The following KIF26B variants were observed in gnomAD, a reference collection of about 807,000 sequenced individuals.
The protein encoded by KIF26B is kinesin-like protein KIF26B.
A neutral mutation model predicts 151.2 loss-of-function variants in KIF26B; 63 were observed. The ratio of observed to expected loss-of-function variants is 0.42; its 90% CI spans 0.34 to 0.51. The LOEUF is 0.51. Ranked by LOEUF, KIF26B falls within the 20% of genes least tolerant of loss-of-function variation. KIF26B has a pLI of 0.07. For missense variants in KIF26B, 2,813 were observed against 2,913.6 expected (o/e 0.97, Z 0.79); for synonymous variants, 1,357 against 1,262.1 (o/e 1.08, Z -1.59).
At chr1:245,586,867 T>C in intron 5 of KIF26B, among the ~76,000 whole-genome samples, 1 of 138,418 alleles carries the variant, frequency 7.2e-6, no homozygotes, top group Non-Finnish European at 1.5e-5. Context: ...CAGTCCGGCC[T>C]GGGTGACAGA....
chr1:245,562,044 G>T (rs2282380), intron 5 of KIF26B, among the ~76,000 whole-genome samples: 67 of 152,080 alleles, frequency 4.4e-4, no homozygotes, highest in African/African-American at 1.4e-3. Context: ...AGATGACCTG[G>T]GGGGCATCTT....
intron 3 of KIF26B, among the ~76,000 whole-genome samples, chr1:245,391,092 A>G (rs1208703583): frequency 1.3e-5 from 2 of 152,096 alleles, no homozygotes; most frequent in Non-Finnish European, 2.9e-5. Context: ...TGATTTTTTG[A>G]TACTATATTA....
At chr1:245,625,881 C>T (rs2043719188) in intron 9 of KIF26B, among the ~76,000 whole-genome samples, 1 of 151,922 alleles carries the variant, frequency 6.6e-6, no homozygotes, top group Non-Finnish European at 1.5e-5. Context: ...TAAGCTCCCA[C>T]ATATGAGTGA....
intron 2 of KIF26B, among the ~76,000 whole-genome samples, chr1:245,180,296 G>GAA (rs891942466): frequency 4.1e-5 from 6 of 146,750 alleles, no homozygotes; most frequent in African/African-American, 1.6e-4. Flanking sequence ...AGGTAGCAGA[G>GAA]AGAGAGAGAG....
At chr1:245,355,294 C>A (rs545125157) in intron 2 of KIF26B, among the ~76,000 whole-genome samples, 1 of 152,124 alleles carries the variant, frequency 6.6e-6, no homozygotes, top group South Asian at 2.1e-4. Context: ...TAGCTGCATC[C>A]CTGGCCTCTA....
chr1:245,568,443 G>A (rs1227781153), intron 5 of KIF26B, among the ~76,000 whole-genome samples: 1 of 151,958 alleles, frequency 6.6e-6, no homozygotes, highest in Non-Finnish European at 1.5e-5. Context: ...GTAGGAGGTT[G>A]AGGCTGCAGT....
At chr1:245,583,591 G>A (rs116517334) in intron 5 of KIF26B, among the ~76,000 whole-genome samples, 1,558 of 152,306 alleles carry the variant, frequency 0.01, 28 homozygotes, top group African/African-American at 0.035. Flanking sequence ...GCTGGTTCTA[G>A]GTGGAGTTCA....
chr1:245,524,084 G>C (rs1373225739), intron 4 of KIF26B, among the ~76,000 whole-genome samples: 2 of 152,188 alleles, frequency 1.3e-5, no homozygotes, highest in Admixed American at 1.3e-4. Flanking sequence ...TAGGAGGAGA[G>C]AGAAAAAGAC....
At chr1:245,490,742 C>G (rs1280279486) in intron 4 of KIF26B, among the ~76,000 whole-genome samples, 2 of 152,102 alleles carry the variant, frequency 1.3e-5, no homozygotes, top group African/African-American at 4.8e-5. Flanking sequence ...TTCATTCTAC[C>G]TTGGATTTGT....
intron 2 of KIF26B, 36 bp from the exon 3 acceptor site, chr1:245,366,798 T>C (rs1458325779): frequency 1.2e-5 from 19 of 1,600,450 alleles, no homozygotes; most frequent in East Asian, 2.2e-5. Flanking sequence ...CTTGGAGTTA[T>C]AGAATCTCCT....
chr1:245,287,730 C>T (rs779428363), intron 2 of KIF26B, among the ~76,000 whole-genome samples: 5 of 151,942 alleles, frequency 3.3e-5, no homozygotes, highest in Non-Finnish European at 5.9e-5. Context: ...CTCAAACTCC[C>T]GATCTCAGGT....
At chr1:245,428,611 T>A (rs1658702012) in intron 4 of KIF26B, among the ~76,000 whole-genome samples, 1 of 152,208 alleles carries the variant, frequency 6.6e-6, no homozygotes, top group Non-Finnish European at 1.5e-5. Context: ...AGAAGTGGCA[T>A]TCATAGCTTG....
chr1:245,212,932 T>G (rs542835156), intron 2 of KIF26B, among the ~76,000 whole-genome samples: 2 of 152,348 alleles, frequency 1.3e-5, no homozygotes, highest in East Asian at 3.9e-4. Context: ...TCCCTGGCGC[T>G]AACACTGAGT....
At chr1:245,566,091 A>G (rs990714882) in intron 5 of KIF26B, among the ~76,000 whole-genome samples, 10 of 152,342 alleles carry the variant, frequency 6.6e-5, no homozygotes, top group Middle Eastern at 3.4e-3. Context: ...TGCGGCCATG[A>G]TCCAGTCACC....
At chr1:245,179,118 G>T (rs1668861412) in intron 2 of KIF26B, among the ~76,000 whole-genome samples, 1 of 152,138 alleles carries the variant, frequency 6.6e-6, no homozygotes, top group Non-Finnish European at 1.5e-5. Context: ...CCCTGTCTTT[G>T]TGAAAGCAGC....
chr1:245,534,455 C>T (rs1014655367), intron 4 of KIF26B, among the ~76,000 whole-genome samples: 1 of 152,144 alleles, frequency 6.6e-6, no homozygotes, highest in Non-Finnish European at 1.5e-5. Flanking sequence ...GCCATCGCAC[C>T]TGGCCCACTT....
At chr1:245,498,378 T>C (rs1332908892) in intron 4 of KIF26B, among the ~76,000 whole-genome samples, 1 of 152,148 alleles carries the variant, frequency 6.6e-6, no homozygotes, top group Non-Finnish European at 1.5e-5. Flanking sequence ...TATCATTGAC[T>C]CCGCCAGCAA....
intron 4 of KIF26B, among the ~76,000 whole-genome samples, chr1:245,458,335 C>T (rs1234380754): frequency 1.3e-5 from 2 of 152,160 alleles, no homozygotes; most frequent in Admixed American, 1.3e-4. Flanking sequence ...TAAGAAAACT[C>T]CAACAAACCG....
At chr1:245,171,911 G>T (rs570088541) in intron 2 of KIF26B, among the ~76,000 whole-genome samples, 2 of 152,290 alleles carry the variant, frequency 1.3e-5, no homozygotes, top group South Asian at 2.1e-4. Flanking sequence ...GGCGTGTTTT[G>T]TCTGCTGCAT....
Sources: gnomAD v4.1 joint callset for allele counts (sites outside exome capture counted in the v4.1 genomes callset) on GRCh38, gnomAD v4.1.1 for gene constraint, MANE v1.5 for transcripts, NCBI Gene and HGNC (gene_info 2026-07-23, HGNC 2026-07-21) for gene names.